PLCB1: variants seen among roughly 807,000 people sequenced by gnomAD.
PLCB1 encodes the protein phospholipase C beta 1, also known as 1-phosphatidylinositol 4,5-bisphosphate phosphodiesterase beta-1.
In PLCB1, 46 loss-of-function variants were observed where a neutral mutation model predicts 161.8. That is an observed-to-expected ratio of 0.28 (90% CI 0.22 to 0.36). The LOEUF (loss-of-function observed/expected upper bound fraction) is 0.36, where lower values mean the gene tolerates loss of function less well. PLCB1 is among the 10% of genes least tolerant of loss of function. PLCB1 has a pLI of 1.00. For synonymous variants in PLCB1, 517 were observed against 503.7 expected (o/e 1.03, Z -0.35); for missense variants, 1,016 against 1,472.5 (o/e 0.69, Z 5.07).
At position 8,475,063 on chromosome 20, in the gene PLCB1, G is replaced by A. The variant is rs116600023; in HGVS notation, c.246+103613G>A. On this transcript the variant is annotated intron_variant, in intron 3 of 31. Coordinates refer to ENST00000338037, the MANE Select transcript of PLCB1 (RefSeq NM_015192.4). ...CACACACACACTCTTTAGTATATTTGGCAAGGAGAAATCATTGAGTGCATG... is the reference window on the plus strand; with the variant it reads ...CACACACACACTCTTTAGTATATTTAGCAAGGAGAAATCATTGAGTGCATG... 9.6e-3 allele frequency among the ~76,000 whole-genome samples: 1,451 copies of A among 151,636 alleles called. 25 individuals are homozygous for A. Among genetic ancestry groups the A allele is most frequent in the African/African-American group, 0.033 (1,346 of 41,302 alleles).
chr20:8,615,395 A>G (rs1309411006), intron 3 of PLCB1, among the ~76,000 whole-genome samples: 1 of 152,164 alleles, frequency 6.6e-6, no homozygotes, highest in Admixed American at 6.6e-5. Flanking sequence ...GTTCCAAATC[A>G]CTATTCAAAA....
intron 31 of PLCB1, among the ~76,000 whole-genome samples, chr20:8,806,123 C>A (rs1568606863): frequency 6.6e-6 from 1 of 152,106 alleles, no homozygotes; most frequent in East Asian, 1.9e-4. Flanking sequence ...TTGTTTTTAG[C>A]AAACTTCTGG....
chr20:8,781,222 A>G (rs761433866), intron 27 of PLCB1, among the ~76,000 whole-genome samples: 15 of 152,186 alleles, frequency 9.9e-5, no homozygotes, highest in Non-Finnish European at 2.1e-4. Context: ...GACTTTACAT[A>G]GGGTCATTTT....
intron 3 of PLCB1, among the ~76,000 whole-genome samples, chr20:8,448,267 A>G (rs1043921181): frequency 1.3e-5 from 2 of 152,202 alleles, no homozygotes; most frequent in Non-Finnish European, 2.9e-5. Context: ...TCTGCTAGGT[A>G]TCCTCACTCT....
intron 9 of PLCB1, among the ~76,000 whole-genome samples, chr20:8,674,128 A>G (rs1251225256): frequency 2.0e-5 from 3 of 152,210 alleles, no homozygotes; most frequent in Non-Finnish European, 4.4e-5. Flanking sequence ...AAGACACTCC[A>G]TCCTCATGAA....
rs536577665 is a variant in PLCB1 at position 8,446,147 on chromosome 20, C to T, written c.246+74697C>T. Among the ~76,000 whole-genome samples, 7 of 152,184 alleles carry T rather than the reference C, an allele frequency of 4.6e-5. No individual in the cohort carries two copies. In the South Asian group the frequency reaches 1.5e-3, roughly 32 times the overall value. On this transcript the variant is annotated intron_variant, in intron 3 of 31. Coordinates refer to ENST00000338037, the MANE Select transcript of PLCB1 (RefSeq NM_015192.4). ...CCACTATCCCTGATGAACATCGATG[C>T]AAAAATCCTCAATAAAATGCTGGCA...
chr20:8,478,395 G>C (rs1360302867), intron 3 of PLCB1, among the ~76,000 whole-genome samples: 1 of 152,068 alleles, frequency 6.6e-6, no homozygotes, highest in African/African-American at 2.4e-5. Context: ...GTGAAGGGAG[G>C]TGTCATTTTG....
At chr20:8,717,028 A>G (rs963205165) in intron 13 of PLCB1, among the ~76,000 whole-genome samples, 5 of 152,202 alleles carry the variant, frequency 3.3e-5, no homozygotes, top group Admixed American at 2.0e-4. Flanking sequence ...CTCTGATACA[A>G]TATCTAATGA....
intron 3 of PLCB1, among the ~76,000 whole-genome samples, chr20:8,579,934 AG>A (rs2123074857): frequency 6.6e-6 from 1 of 152,280 alleles, no homozygotes; most frequent in East Asian, 1.9e-4. Context: ...AGGTAATGTA[AG>A]GCAGGCTTAG....
chr20:8,881,764 A>G lies in PLCB1; in HGVS notation c.3566A>G (p.Asp1189Gly). 1 of 1,614,082 alleles carries G rather than the reference A, an allele frequency of 6.2e-7. No individual in the cohort carries two copies. The highest frequency in any genetic ancestry group is 8.5e-7 in the Non-Finnish European group (1 of 1,179,966). The change falls in exon 32 of 32, where the codon GAC (aspartate) becomes GGC (glycine). Residue 1189 changes from aspartate to glycine, a missense_variant. By Grantham distance (94) the Asp-to-Gly change is moderately conservative. Coordinates refer to ENST00000338037, the MANE Select transcript of PLCB1 (RefSeq NM_015192.4). Reference protein sequence around the residue: ...HGSAPLSLSSDPGKVNHKTPS... With the variant: ...HGSAPLSLSSGPGKVNHKTPS... Reference sequence around the variant, plus strand: ...TCTGCCCCTCTCTCCCTGTCCTCAGACCCTGGAAAAGTGAACCACAAGACT... The same window carrying G: ...TCTGCCCCTCTCTCCCTGTCCTCAGGCCCTGGAAAAGTGAACCACAAGACT...
At chr20:8,639,667 A>G (rs1988877544) in intron 4 of PLCB1, among the ~76,000 whole-genome samples, 1 of 152,186 alleles carries the variant, frequency 6.6e-6, no homozygotes, top group African/African-American at 2.4e-5. Context: ...TTTCAGTTGA[A>G]CATATTATTG....
rs944607834 is a variant in PLCB1, at chr20:8,265,061, A to G, written c.178-106321A>G. 2.0e-5 allele frequency among the ~76,000 whole-genome samples: 3 copies of G among 152,196 alleles called. No individual in the cohort carries two copies. In the East Asian group the frequency reaches 5.8e-4, roughly 29 times the overall value. On this transcript the variant is annotated intron_variant, in intron 2 of 31. Transcript: ENST00000338037. ...AGTCCAGGAAATGGCTACGCTGAAA[A>G]TACTTGTCATTTGTCTGACACTGTA...
At chr20:8,278,944 A>G (rs1411174045) in intron 2 of PLCB1, among the ~76,000 whole-genome samples, 1 of 151,046 alleles carries the variant, frequency 6.6e-6, no homozygotes, top group Non-Finnish European at 1.5e-5. Flanking sequence ...AATATCCACC[A>G]GCAGCAAAAT....
At chr20:8,428,116 A>G (rs550723283) in intron 3 of PLCB1, among the ~76,000 whole-genome samples, 4 of 152,330 alleles carry the variant, frequency 2.6e-5, no homozygotes, top group South Asian at 2.1e-4. Flanking sequence ...GTTGGGTCCA[A>G]ATGATTCAGG....
At position 8,374,138 on chromosome 20, in the gene PLCB1, C is replaced by T. The variant is rs1031261204; in HGVS notation, c.246+2688C>T. Among the ~76,000 whole-genome samples the T allele has an allele frequency of 2.0e-5, 3 of 152,186 alleles. No individual in the cohort carries two copies. The East Asian group carries it at 5.8e-4, about 29-fold the overall frequency. On this transcript the variant is annotated intron_variant, in intron 3 of 31. Transcript: ENST00000338037. The stretch of plus-strand genomic sequence containing the variant: ...CTTGAATTGTAATTCCCATCATCCC[C>T]ATGTGTCGAGGGAGAGACCAGGTGG...
At chr20:8,483,127 T>C (rs994354036) in intron 3 of PLCB1, among the ~76,000 whole-genome samples, 4 of 152,212 alleles carry the variant, frequency 2.6e-5, no homozygotes, top group African/African-American at 9.6e-5. Flanking sequence ...AAAACAGCCA[T>C]TTATTTCTAT....
At chr20:8,294,500 G>A (rs1181465710) in intron 2 of PLCB1, among the ~76,000 whole-genome samples, 4 of 151,798 alleles carry the variant, frequency 2.6e-5, no homozygotes, top group East Asian at 3.9e-4. Context: ...ACATATGTGT[G>A]CATGTATATA....
intron 3 of PLCB1, among the ~76,000 whole-genome samples, chr20:8,470,147 T>C (rs1421975251): frequency 6.6e-6 from 1 of 152,232 alleles, no homozygotes; most frequent in African/African-American, 2.4e-5. Context: ...ATTGAATGAA[T>C]ATGCCACATT....
chr20:8,625,065 C>G (rs982733451), intron 3 of PLCB1, among the ~76,000 whole-genome samples: 1 of 152,144 alleles, frequency 6.6e-6, no homozygotes, highest in South Asian at 2.1e-4. Context: ...TGCAAGTTGT[C>G]TATCAGTTTG....
Sources: allele counts gnomAD v4.1 joint callset (sites outside exome capture counted in the v4.1 genomes callset), GRCh38; gene constraint gnomAD v4.1.1; transcripts MANE v1.5; gene names NCBI Gene and HGNC (gene_info 2026-07-23, HGNC 2026-07-21).